The following PDE1C variants were observed in gnomAD, a reference collection of about 807,000 sequenced individuals.
The protein encoded by PDE1C is dual specificity calcium/calmodulin-dependent 3',5'-cyclic nucleotide phosphodiesterase 1C.
PDE1C carries 62 observed loss-of-function variants against 93.1 expected under a neutral mutation model. The ratio of observed to expected loss-of-function variants is 0.67; its 90% CI spans 0.54 to 0.82. The LOEUF is 0.82. Among genes scored for constraint, PDE1C ranks in the 40% least tolerant of loss-of-function variants. PDE1C has a pLI of 0.00. For missense variants in PDE1C, 742 were observed against 884.6 expected, an observed-to-expected ratio of 0.84 and a Z score of 2.04; for synonymous variants, 325 against 310.1, an observed-to-expected ratio of 1.05 and a Z score of -0.50.
chr7:32,128,962 TC>T (rs1358169655), intron 3 of PDE1C, among the ~76,000 whole-genome samples: 2 of 88,650 alleles, frequency 2.3e-5, no homozygotes, highest in East Asian at 6.2e-4. Flanking sequence ...TAAAGAAAAA[TC>T]TAAAAAAAAC....
chr7:31,917,205 G>A (rs981294229), intron 2 of PDE1C, among the ~76,000 whole-genome samples: 5 of 152,052 alleles, frequency 3.3e-5, no homozygotes, highest in Admixed American at 3.3e-4. Flanking sequence ...AGTTAATTAC[G>A]GTAGGGTTAA....
intron 1 of PDE1C, among the ~76,000 whole-genome samples, chr7:32,387,404 G>C (rs1350185834): frequency 6.6e-6 from 1 of 151,626 alleles, no homozygotes; most frequent in Non-Finnish European, 1.5e-5. Flanking sequence ...CCTCCCAGAC[G>C]GGGTCCTGGC....
At chr7:31,627,223 A>ATGAT in the PDE1C span, among the ~76,000 whole-genome samples, 1 of 152,224 alleles carries the variant, frequency 6.6e-6, no homozygotes, top group Non-Finnish European at 1.5e-5. Context: ...CAATCAGTAA[A>ATGAT]TGATTGTTAC....
At chr7:32,384,624 C>A (rs1045924461) in intron 1 of PDE1C, among the ~76,000 whole-genome samples, 2 of 152,056 alleles carry the variant, frequency 1.3e-5, no homozygotes, top group African/African-American at 4.8e-5. Flanking sequence ...GGAGAGACAA[C>A]CTGCATGGGT....
chr7:31,823,441 A>G (rs1359269265), intron 13 of PDE1C, among the ~76,000 whole-genome samples, 193 bp from the exon 14 acceptor site: 1 of 152,164 alleles, frequency 6.6e-6, no homozygotes, highest in Non-Finnish European at 1.5e-5. Context: ...CAGGAAAAAC[A>G]TCAACATTGC....
chr7:31,631,877 G>C, the PDE1C span, among the ~76,000 whole-genome samples: 1 of 152,172 alleles, frequency 6.6e-6, no homozygotes, highest in Non-Finnish European at 1.5e-5. Flanking sequence ...ACTATTTTCA[G>C]TCTTTCTTCG....
chr7:31,629,819 T>C, the PDE1C span, among the ~76,000 whole-genome samples: 1 of 152,168 alleles, frequency 6.6e-6, no homozygotes, highest in African/African-American at 2.4e-5. Context: ...CCTCAGGAAA[T>C]AGAGCATCCA....
the PDE1C span, among the ~76,000 whole-genome samples, chr7:31,746,126 A>C: frequency 6.6e-6 from 1 of 152,116 alleles, no homozygotes; most frequent in Non-Finnish European, 1.5e-5. Flanking sequence ...CTCTTGATAA[A>C]GCCTCTGCCA....
intron 1 of PDE1C, among the ~76,000 whole-genome samples, chr7:32,057,092 T>A (rs1007687665): frequency 6.6e-6 from 1 of 152,176 alleles, no homozygotes; most frequent in Non-Finnish European, 1.5e-5. Flanking sequence ...AACTGGATAG[T>A]TATGAACTGG....
intron 1 of PDE1C, among the ~76,000 whole-genome samples, chr7:32,373,751 G>C (rs1180090528): frequency 6.6e-6 from 1 of 152,210 alleles, no homozygotes; most frequent in Admixed American, 6.5e-5. Flanking sequence ...ACTTTGGGAG[G>C]CTGAAGCAGG....
intron 1 of PDE1C, among the ~76,000 whole-genome samples, chr7:32,274,030 G>C (rs140547360): frequency 6.6e-6 from 1 of 152,030 alleles, no homozygotes; most frequent in African/African-American, 2.4e-5. Context: ...ATACACCAGA[G>C]GACAGCAGGA....
At chr7:32,269,920 T>G (rs761385981) in intron 1 of PDE1C, among the ~76,000 whole-genome samples, 1 of 152,092 alleles carries the variant, frequency 6.6e-6, no homozygotes, top group Non-Finnish European at 1.5e-5. Context: ...ACTACATGCA[T>G]GCAACACCAT....
At chr7:31,980,690 G>A (rs1812264379) in intron 2 of PDE1C, among the ~76,000 whole-genome samples, 1 of 152,160 alleles carries the variant, frequency 6.6e-6, no homozygotes, top group African/African-American at 2.4e-5. Context: ...GAGGTCAGAA[G>A]TCTAAAATGG....
chr7:31,813,309 G>A (rs188887544), intron 15 of PDE1C, among the ~76,000 whole-genome samples: 1 of 152,224 alleles, frequency 6.6e-6, no homozygotes, highest in Admixed American at 6.5e-5. Context: ...TATGTTTTCT[G>A]TAAGACACAC....
chr7:31,617,310 T>TATTTCATTG, the PDE1C span, among the ~76,000 whole-genome samples: 1 of 152,194 alleles, frequency 6.6e-6, no homozygotes, highest in South Asian at 2.1e-4. Flanking sequence ...TCTCAACAAG[T>TATTTCATTG]ATTTCATTGA....
At chr7:31,860,107 T>C (rs1794503103) in intron 7 of PDE1C, among the ~76,000 whole-genome samples, 1 of 152,148 alleles carries the variant, frequency 6.6e-6, no homozygotes, top group African/African-American at 2.4e-5. Flanking sequence ...GCAAAATTGT[T>C]TTCTTATATG....
chr7:32,147,814 G>A (rs1280639795), intron 3 of PDE1C, among the ~76,000 whole-genome samples: 1 of 151,758 alleles, frequency 6.6e-6, no homozygotes, highest in Non-Finnish European at 1.5e-5. Flanking sequence ...GGTTTGAAAG[G>A]GCCTTAACTG....
chr7:32,044,518 T>C (rs1454681358), intron 2 of PDE1C, among the ~76,000 whole-genome samples: 1 of 151,952 alleles, frequency 6.6e-6, no homozygotes, highest in Non-Finnish European at 1.5e-5. Flanking sequence ...AGAGGAGCTG[T>C]GGAGAAAGTA....
At chr7:32,400,220 A>G (rs1406067162) in intron 1 of PDE1C, among the ~76,000 whole-genome samples, 1 of 152,212 alleles carries the variant, frequency 6.6e-6, no homozygotes, top group Non-Finnish European at 1.5e-5. Flanking sequence ...GATTTATACC[A>G]CAGTGCCTGG....
Sources: allele counts gnomAD v4.1 joint callset (sites outside exome capture counted in the v4.1 genomes callset), GRCh38; gene constraint gnomAD v4.1.1; transcripts MANE v1.5; gene names NCBI Gene and HGNC (gene_info 2026-07-23, HGNC 2026-07-21).